Variants in ESYT3 observed in about 807,000 individuals in gnomAD.
ESYT3 encodes extended synaptotagmin 3.
ESYT3 carries 101 observed loss-of-function variants against 111.5 expected under a neutral mutation model. The observed-to-expected ratio is 0.91, with a 90% CI of 0.77 to 1.07. The LOEUF (loss-of-function observed/expected upper bound fraction) is 1.07, where lower values mean the gene tolerates loss of function less well. Among genes scored for constraint, ESYT3 ranks in the 50% least tolerant of loss-of-function variants. The pLI is 0.00. For missense variants in ESYT3, 1,097 were observed against 1,109.4 expected, an observed-to-expected ratio of 0.99 and a Z score of 0.16; for synonymous variants, 416 against 446.8, an observed-to-expected ratio of 0.93 and a Z score of 0.87.
intron 10 of ESYT3, among the ~76,000 whole-genome samples, 154 bp downstream of exon 10, chr3:138,465,575 A>G (rs2032886986): frequency 6.6e-6 from 1 of 152,196 alleles, no homozygotes; most frequent in Non-Finnish European, 1.5e-5. Flanking sequence ...TCACCATTCT[A>G]CATTCCTACC....
intron 5 of ESYT3, 86 bp from the exon 6 acceptor site, chr3:138,459,859 G>A (rs947702834): frequency 8.4e-7 from 1 of 1,184,722 alleles, no homozygotes; most frequent in Non-Finnish European, 1.2e-6. Context: ...GGCATGAAAT[G>A]AGGCAGCAGA....
intron 1 of ESYT3, among the ~76,000 whole-genome samples, chr3:138,444,376 A>G (rs2031384667): frequency 6.6e-6 from 1 of 152,204 alleles, no homozygotes; most frequent in South Asian, 2.1e-4. Context: ...GTGTCTGGGC[A>G]TCTTTGGAAT....
chr3:138,452,805 G>C, intron 2 of ESYT3, among the ~76,000 whole-genome samples: 1 of 152,228 alleles, frequency 6.6e-6, no homozygotes, highest in East Asian at 1.9e-4. Flanking sequence ...TTGCCTCTGG[G>C]AGGAGGCTTA....
rs1400659808 is a variant in ESYT3 at position 138,435,046 on chromosome 3, T to TGGAA, written c.250_251insAAGG (p.Ala84GlufsTer9). 6.3e-7 allele frequency: 1 copy of TGGAA among 1,588,314 alleles called. No homozygotes were observed. Among genetic ancestry groups the TGGAA allele is most frequent in the Non-Finnish European group, 8.6e-7 (1 of 1,169,144 alleles). Reference sequence around the variant, plus strand: ...AACCGCCGCGGGAAGCTTGGGCGCCTGGCCGCCGCCTTCGAATTCCTTGAC... The same window carrying TGGAA: ...AACCGCCGCGGGAAGCTTGGGCGCCTGGAAGGCCGCCGCCTTCGAATTCCTTGAC... On this transcript the variant is annotated frameshift_variant, in exon 1 of 23. Transcript: ENST00000389567. LOFTEE classifies it high-confidence loss of function. The surrounding 1 kb of genome is among the most constrained non-coding windows in gnomAD (Gnocchi z 4.8).
rs71146126 is a variant in ESYT3 at position 138,448,266 on chromosome 3, TAAAAAAAAAA to T, written c.328-3764_328-3755del. ...TGGGCAACAAAAATGAAACTCGATC[TAAAAAAAAAA>T]AAAAAAAAAAAAAAAAATGCAGGGG... On this transcript the variant is annotated intron_variant, in intron 1 of 22. Coordinates refer to ENST00000389567, the MANE Select transcript of ESYT3 (RefSeq NM_031913.5). Among the ~76,000 whole-genome samples, 8 of 44,608 alleles carry T rather than the reference TAAAAAAAAAA, an allele frequency of 1.8e-4. No homozygotes were observed. In the South Asian group the frequency reaches 3.3e-3, roughly 18 times the overall value. 29.3% of individuals were successfully genotyped at this position (44,608 alleles called of 152,430 possible). A position where few individuals can be genotyped will look rare whatever the true frequency, so the allele number is the denominator to read the frequency against.
At chr3:138,448,548 C>A (rs959507803) in intron 1 of ESYT3, among the ~76,000 whole-genome samples, 2 of 151,964 alleles carry the variant, frequency 1.3e-5, no homozygotes, top group Non-Finnish European at 2.9e-5. Flanking sequence ...ATCTTTGTCT[C>A]ACCTTATGTA....
At chr3:138,461,446 A>T (rs143913890) in intron 7 of ESYT3, among the ~76,000 whole-genome samples, 1 of 152,310 alleles carries the variant, frequency 6.6e-6, no homozygotes, top group African/African-American at 2.4e-5. Flanking sequence ...CCCAGGAGGA[A>T]GGGACATTTG....
rs778091411 is a variant in ESYT3, at chr3:138,462,239, G to A, written c.915+33G>A. On this transcript the variant is annotated intron_variant, in intron 8 of 22. Coordinates refer to ENST00000389567, the MANE Select transcript of ESYT3 (RefSeq NM_031913.5). ...CCCAGTACTAGCCACAGACCAGCCT[G>A]CTGGGAGGCAGCGCAAATATCCTCT... The A allele has an allele frequency of 8.1e-6, 13 of 1,613,776 alleles. No individual in the cohort carries two copies. In the African/African-American group the frequency reaches 1.3e-4, roughly 17 times the overall value.
chr3:138,444,443 G>GT (rs571058956), intron 1 of ESYT3, among the ~76,000 whole-genome samples: 78 of 152,330 alleles, frequency 5.1e-4, no homozygotes, highest in African/African-American at 1.6e-3. Context: ...TGAGGATAGT[G>GT]TACATGTTTT....
chr3:138,460,460 C>T, intron 6 of ESYT3, 151 bp from the exon 7 acceptor site: 1 of 836,822 alleles, frequency 1.2e-6, no homozygotes, highest in Non-Finnish European at 2.0e-6. Flanking sequence ...GCCTGACACC[C>T]TGGCAGAGGG....
intron 9 of ESYT3, 141 bp downstream of exon 9, chr3:138,464,656 C>A: frequency 2.1e-6 from 2 of 936,200 alleles, no homozygotes; most frequent in Non-Finnish European, 3.2e-6. Context: ...ACCAGGCTTC[C>A]AGACTGGGTT....
At chr3:138,481,554 GACAGGGTTTCACT>G (rs988687946), downstream of ESYT3, 1 of 151,848 alleles carries the variant, frequency 6.6e-6, no homozygotes, top group Non-Finnish European at 1.5e-5. Flanking sequence ...TTTTAGCAGA[GACAGGGTTTCACT>G]GTGTTAGCCA....
chr3:138,471,503 C>T (rs956592924), intron 17 of ESYT3, among the ~76,000 whole-genome samples: 1 of 152,112 alleles, frequency 6.6e-6, no homozygotes, highest in African/African-American at 2.4e-5. Context: ...ATTATCTTCT[C>T]ATGTTTATAT....
In ESYT3 at chr3:138,467,710, T is replaced by A. The variant is rs2033002068; in HGVS notation, c.1218+101T>A. 3 of 1,099,938 alleles carry A rather than the reference T, an allele frequency of 2.7e-6. No homozygotes were observed. The Admixed American group carries it at 5.9e-5, about 22-fold the overall frequency. The allele number at this position is 1,099,938 out of a possible 1,614,324, so 68.1% of individuals were successfully genotyped here. On this transcript the variant is annotated intron_variant, in intron 11 of 22. Transcript: ENST00000389567. ...CAGCCCAGCTATTCCTATGCTGTGG[T>A]CCCCCTCTGTGCTAGGCTCCATCCT...
Position 138,435,084 on chromosome 3 carries a change from T to A in ESYT3, c.286T>A (p.Phe96Ile). 1 of 1,592,308 alleles carries A rather than the reference T, an allele frequency of 6.3e-7. No individual in the cohort carries two copies. The highest frequency in any genetic ancestry group is 8.5e-7 in the Non-Finnish European group (1 of 1,172,078). Residue 96 changes from phenylalanine (F) to isoleucine (I), a missense_variant, in exon 1 of 23, where the codon TTC becomes ATC. Coordinates refer to ENST00000389567, the MANE Select transcript of ESYT3 (RefSeq NM_031913.5). This position sits in a 1 kb window ranked among gnomAD's most constrained non-coding sequence, Gnocchi z 4.8. ...AFEFLDNERE[F>I]ISRELRGQHL... ...CGAATTCCTTGACAATGAACGCGAG[T>A]TCATCAGCCGCGAGCTGCGGGGCCA...
chr3:138,476,278 G>C lies in ESYT3; in HGVS notation c.2524G>C (p.Val842Leu). Reference sequence around the variant, plus strand: ...AAAGAAGAGGTCACTAGATGTTGCAGTGAAAAATAGTAGGCCACTTGGCTC... The same window carrying C: ...AAAGAAGAGGTCACTAGATGTTGCACTGAAAAATAGTAGGCCACTTGGCTC... ...EVKKRSLDVA[V>L]KNSRPLGSHR... The change falls in exon 21 of 23, where the codon GTG (valine) becomes CTG (leucine). Residue 842 changes from valine to leucine, a missense_variant. Physicochemically the swap from Val to Leu is conservative, Grantham distance 32. Coordinates refer to ENST00000389567, the MANE Select transcript of ESYT3 (RefSeq NM_031913.5). 1 of 1,614,088 alleles carries C rather than the reference G, an allele frequency of 6.2e-7. No homozygotes were observed. The highest frequency in any genetic ancestry group is 8.5e-7 in the Non-Finnish European group (1 of 1,179,972).
rs1311377775 is a variant in ESYT3, at chr3:138,478,369, A to G, written c.*1515A>G. 6.6e-6 allele frequency: 1 copy of G among 152,178 alleles called. No homozygotes were observed. Among genetic ancestry groups the G allele is most frequent in the Non-Finnish European group, 1.5e-5 (1 of 68,030 alleles). 9.4% of individuals were successfully genotyped at this position (152,178 alleles called of 1,614,324 possible). A position where few individuals can be genotyped will look rare whatever the true frequency, so the allele number is the denominator to read the frequency against. On this transcript the variant is annotated 3_prime_UTR_variant, in exon 23 of 23. Transcript: ENST00000389567. The stretch of plus-strand genomic sequence containing the variant: ...GAAATTCGTTTCTGCTGAGGTTTCT[A>G]TTTTAAATGGCAAATTCTCATAATA...
At chr3:138,467,367 G>A (rs925523743) in intron 10 of ESYT3, among the ~76,000 whole-genome samples, 194 bp from the exon 11 acceptor site, 2 of 152,142 alleles carry the variant, frequency 1.3e-5, no homozygotes, top group Non-Finnish European at 2.9e-5. Context: ...ACACCCAGTG[G>A]GAGCAGCCCT....
Position 138,470,899 on chromosome 3 carries a change from G to A in ESYT3, c.1613G>A (p.Cys538Tyr). ...HLKVLDDDQECALGMLEVPLC... is the reference protein window; with the variant it reads ...HLKVLDDDQEYALGMLEVPLC... ...CAGGTGCTTGATGATGACCAGGAGT[G>A]TGCTCTGGGAATGCTGGAGGTCCCC... is the stretch of plus-strand genomic sequence containing the variant. The change falls in exon 17 of 23, where the codon TGT becomes TAT. Residue 538 changes from cysteine (C) to tyrosine (Y), a missense_variant. Coordinates refer to ENST00000389567, the MANE Select transcript of ESYT3 (RefSeq NM_031913.5). 1 of 1,614,160 alleles carries A rather than the reference G, an allele frequency of 6.2e-7. No homozygotes were observed. Among genetic ancestry groups the A allele is most frequent in the Non-Finnish European group, 8.5e-7 (1 of 1,180,036 alleles).
Sources: gnomAD v4.1 joint callset for allele counts (sites outside exome capture counted in the v4.1 genomes callset) on GRCh38, gnomAD v4.1.1 for gene constraint, Gnocchi (gnomAD v3.1) non-coding constraint, MANE v1.5 for transcripts, NCBI Gene and HGNC (gene_info 2026-07-23, HGNC 2026-07-21) for gene names.